RHPN1: variants seen among roughly 807,000 people sequenced by gnomAD.
RHPN1 encodes rhophilin-1.
Under a neutral mutation model 74.7 loss-of-function variants are expected in RHPN1, and 77 were observed. The ratio of observed to expected loss-of-function variants is 1.03; its 90% CI spans 0.86 to 1.25. The LOEUF (loss-of-function observed/expected upper bound fraction) is 1.25, where lower values mean the gene tolerates loss of function less well. Ranked by LOEUF, RHPN1 falls within the 50% of genes most tolerant of loss-of-function variation. The probability of loss-of-function intolerance (pLI) is 0.00; values close to 1 mark genes in which losing one functional copy is unlikely to be tolerated. For synonymous variants in RHPN1, 444 were observed against 414.5 expected (o/e 1.07, Z -0.87); for missense variants, 987 against 932.2 (o/e 1.06, Z -0.77).
intron 1 of RHPN1, among the ~76,000 whole-genome samples, chr8:143,371,295 C>T (rs1173881676): frequency 6.6e-6 from 1 of 152,188 alleles, no homozygotes; most frequent in African/African-American, 2.4e-5. Flanking sequence ...GGCTTCCACC[C>T]TCCTGGGGCT....
At chr8:143,372,041 G>A (rs1817858380) in intron 1 of RHPN1, among the ~76,000 whole-genome samples, 1 of 152,222 alleles carries the variant, frequency 6.6e-6, no homozygotes, top group African/African-American at 2.4e-5. Flanking sequence ...GGGTAGGGAG[G>A]CCGAGGAATG....
intron 1 of RHPN1, among the ~76,000 whole-genome samples, chr8:143,370,735 G>A (rs897381268): frequency 4.6e-5 from 7 of 152,258 alleles, no homozygotes; most frequent in Non-Finnish European, 8.8e-5. Flanking sequence ...CTGCCAAGCT[G>A]GGAAGGGGAG....
rs1196974645 is a variant in RHPN1 at position 143,382,694 on chromosome 8, A to C, written c.*43A>C. The stretch of plus-strand genomic sequence containing the variant: ...CGCCTCAGCCCTGGCTCCAGCTGGC[A>C]GCAAGCACCGAGCATGCCCTCCCCA... On this transcript the variant is annotated 3_prime_UTR_variant, in exon 15 of 15. Transcript: ENST00000289013. The C allele has an allele frequency of 4.6e-6, 7 of 1,536,976 alleles. No individual in the cohort carries two copies. Among genetic ancestry groups the C allele is most frequent in the Non-Finnish European group, 6.2e-6 (7 of 1,132,476 alleles).
At chr8:143,370,161 C>G (rs1025896776) in intron 1 of RHPN1, among the ~76,000 whole-genome samples, 2 of 152,178 alleles carry the variant, frequency 1.3e-5, no homozygotes, top group African/African-American at 4.8e-5. Context: ...ACAAGATGTC[C>G]CAGAGGGCTC....
At position 143,378,259 on chromosome 8, in the gene RHPN1, C is replaced by T. The variant is rs368080180; in HGVS notation, c.382-10C>T. ...GGGTACTGTGGATGCCAACACCTGC[C>T]CCCCATCAGGAGCTGATCTCAGTGC... On this transcript the variant is annotated splice_polypyrimidine_tract_variant and intron_variant, in intron 4 of 14. Coordinates refer to ENST00000289013, the MANE Select transcript of RHPN1 (RefSeq NM_052924.3). The T allele has an allele frequency of 1.7e-5, 26 of 1,563,652 alleles. No homozygotes were observed. In the African/African-American group the frequency reaches 2.6e-4, roughly 16 times the overall value.
upstream of RHPN1, chr8:143,368,745 T>C (rs1012498552): frequency 6.8e-5 from 20 of 293,594 alleles, 1 homozygote; most frequent in Admixed American, 1.0e-4. Context: ...GGTTGGCTGA[T>C]ATAGCTGTCC....
chr8:143,378,546 C>T, intron 5 of RHPN1, 150 bp from the exon 6 acceptor site: 1 of 1,189,350 alleles, frequency 8.4e-7, no homozygotes, highest in Non-Finnish European at 1.2e-6. Context: ...GTGCCGCATG[C>T]TGCTGGCCTT....
chr8:143,380,975 C>T (rs1261364237), intron 11 of RHPN1, among the ~76,000 whole-genome samples, 192 bp downstream of exon 11: 2 of 152,230 alleles, frequency 1.3e-5, no homozygotes, highest in Admixed American at 6.5e-5. Context: ...GGGATGACCA[C>T]GCTCCTCAGC....
Position 143,381,726 on chromosome 8 carries a change from C to T in RHPN1, c.1635+8C>T. Reference sequence around the variant, plus strand: ...CCAGGGAGCCAGGCCGCGGTAAGGGCCCCGCCGGCCCCCTGAGGCTGAGTC... The same window carrying T: ...CCAGGGAGCCAGGCCGCGGTAAGGGTCCCGCCGGCCCCCTGAGGCTGAGTC... On this transcript the variant is annotated splice_region_variant and intron_variant, in intron 13 of 14. Transcript: ENST00000289013. 1 of 1,606,794 alleles carries T rather than the reference C, an allele frequency of 6.2e-7. No individual in the cohort carries two copies. Among genetic ancestry groups the T allele is most frequent in the Non-Finnish European group, 8.5e-7 (1 of 1,177,380 alleles).
chr8:143,376,164 C>G (rs1464067090), intron 2 of RHPN1, among the ~76,000 whole-genome samples: 1 of 152,248 alleles, frequency 6.6e-6, no homozygotes, highest in South Asian at 2.1e-4. Context: ...TTGCCAGGCC[C>G]TGATGCAGGC....
chr8:143,368,458 C>A (rs1459969859), upstream of RHPN1: 1 of 152,516 alleles, frequency 6.6e-6, no homozygotes, highest in Non-Finnish European at 1.5e-5. Flanking sequence ...GGTGACAGGA[C>A]GAAACGGCGC....
At chr8:143,372,210 G>A (rs887000669) in intron 1 of RHPN1, among the ~76,000 whole-genome samples, 1 of 152,108 alleles carries the variant, frequency 6.6e-6, no homozygotes, top group Non-Finnish European at 1.5e-5. Context: ...GGGCCTTTGC[G>A]GGGAGGGGGT....
intron 9 of RHPN1, 34 bp from the exon 10 acceptor site, chr8:143,380,028 C>T (rs771589998): frequency 3.7e-5 from 57 of 1,548,166 alleles, no homozygotes; most frequent in Non-Finnish European, 5.0e-5. Flanking sequence ...CCAAGGCCCC[C>T]CCGCGCAGGG....
Position 143,371,815 on chromosome 8 carries a change from G to A in RHPN1, c.60+2768G>A, listed in dbSNP as rs186795985. Among the ~76,000 whole-genome samples the A allele has an allele frequency of 1.2e-4, 18 of 152,352 alleles. 1 individual carries two copies. In the East Asian group the frequency reaches 3.5e-3, roughly 29 times the overall value. On this transcript the variant is annotated intron_variant, in intron 1 of 14. Coordinates refer to ENST00000289013, the MANE Select transcript of RHPN1 (RefSeq NM_052924.3). Reference sequence around the variant, plus strand: ...TGGACGTGGGGGTGGGGAGCTCCAGGTCACCTTTGTCTCCAGAGGGTGGGG... The same window carrying A: ...TGGACGTGGGGGTGGGGAGCTCCAGATCACCTTTGTCTCCAGAGGGTGGGG...
chr8:143,375,523 G>A (rs369685356), intron 1 of RHPN1, 30 bp from the exon 2 acceptor site: 52 of 1,511,148 alleles, frequency 3.4e-5, no homozygotes, highest in Admixed American at 2.6e-4. Flanking sequence ...CCACGGGGTC[G>A]GGCTGTGATC....
intron 3 of RHPN1, among the ~76,000 whole-genome samples, chr8:143,377,138 GTT>G (rs1818330542): frequency 6.6e-6 from 1 of 152,032 alleles, no homozygotes; most frequent in Admixed American, 6.6e-5. Flanking sequence ...GCACGCATGT[GTT>G]TGTGTGTGTG....
In RHPN1 at chr8:143,369,063, G is replaced by C; in HGVS notation, c.60+16G>C. On this transcript the variant is annotated intron_variant, in intron 1 of 14. Coordinates refer to ENST00000289013, the MANE Select transcript of RHPN1 (RefSeq NM_052924.3). ...GCGGCTGCAGGTGCGCAGAACTGGCGCGGCGGCGGGAGGAGGGGCCCGGAA... is the reference window on the plus strand; with the variant it reads ...GCGGCTGCAGGTGCGCAGAACTGGCCCGGCGGCGGGAGGAGGGGCCCGGAA... 6.8e-7 allele frequency: 1 copy of C among 1,466,056 alleles called. No individual in the cohort carries two copies. 90.8% of individuals were successfully genotyped at this position (1,466,056 alleles called of 1,614,324 possible). A position where few individuals can be genotyped will look rare whatever the true frequency, so the allele number is the denominator to read the frequency against.
upstream of RHPN1, chr8:143,368,062 G>A (rs150637608): frequency 6.5e-6 from 1 of 153,548 alleles, no homozygotes; most frequent in East Asian, 1.9e-4. Context: ...GGTCAGTCCA[G>A]GAAACAAGCT....
chr8:143,378,907 T>C lies in RHPN1; in HGVS notation c.585-5T>C. On this transcript the variant is annotated splice_region_variant and splice_polypyrimidine_tract_variant and intron_variant, in intron 6 of 14. Coordinates refer to ENST00000289013, the MANE Select transcript of RHPN1 (RefSeq NM_052924.3). The stretch of plus-strand genomic sequence containing the variant: ...AACTCCACCCAGCCTGACCCAACAC[T>C]GCAGGTACGACTCGCTTACTGGGGT... 6.3e-6 allele frequency: 10 copies of C among 1,585,024 alleles called. No homozygotes were observed. The highest frequency in any genetic ancestry group is 8.6e-6 in the Non-Finnish European group (10 of 1,166,514).
Sources: allele counts gnomAD v4.1 joint callset (sites outside exome capture counted in the v4.1 genomes callset), GRCh38; gene constraint gnomAD v4.1.1; transcripts MANE v1.5; gene names NCBI Gene and HGNC (gene_info 2026-07-23, HGNC 2026-07-21).